Variants in CELF1 observed in about 807,000 individuals in gnomAD.
CELF1 encodes the protein 50 kDa nuclear polyadenylated RNA-binding protein.
A neutral mutation model predicts 61.8 loss-of-function variants in CELF1; 10 were observed. The ratio of observed to expected loss-of-function variants is 0.16; its 90% CI spans 0.10 to 0.27. The LOEUF (loss-of-function observed/expected upper bound fraction) is 0.27. Ranked by LOEUF, CELF1 falls within the 10% of genes least tolerant of loss-of-function variation. CELF1 has a pLI of 1.00. For synonymous variants in CELF1, 236 were observed against 225.1 expected (o/e 1.05, Z -0.43); for missense variants, 380 against 639.1 (o/e 0.59, Z 4.37).
At chr11:47,511,315 C>A (rs2095141951) in intron 1 of CELF1, among the ~76,000 whole-genome samples, 1 of 152,184 alleles carries the variant, frequency 6.6e-6, no homozygotes, top group South Asian at 2.1e-4. Context: ...GAGGGAGAGG[C>A]AGGCCCCAAC....
chr11:47,482,100 A>T (rs1596325550), intron 9 of CELF1, among the ~76,000 whole-genome samples: 3 of 152,186 alleles, frequency 2.0e-5, no homozygotes, highest in Admixed American at 2.0e-4. Context: ...CTACTTGGGA[A>T]GTTGAGGCAG....
At chr11:47,489,929 C>CGTT (rs1428902911) in intron 3 of CELF1, among the ~76,000 whole-genome samples, 1 of 35,354 alleles carries the variant, frequency 2.8e-5, no homozygotes, top group Admixed American at 2.6e-4. Flanking sequence ...CAGAACATAC[C>CGTT]ATCTTGTTTT....
chr11:47,508,566 C>A (rs188158228), intron 1 of CELF1, among the ~76,000 whole-genome samples: 4 of 8,074 alleles, frequency 5.0e-4, no homozygotes, highest in South Asian at 4.5e-3. Context: ...AAATGAATTT[C>A]TTTAAAAAAA....
At chr11:47,559,069 A>ATATT (rs1238449081) in intron 2 of CELF1, among the ~76,000 whole-genome samples, 1 of 138,000 alleles carries the variant, frequency 7.2e-6, no homozygotes, top group African/African-American at 2.8e-5. Context: ...TATATATAAT[A>ATATT]ATATAATATA....
chr11:47,519,656 G>C (rs894343720), intron 1 of CELF1, among the ~76,000 whole-genome samples: 1 of 152,014 alleles, frequency 6.6e-6, no homozygotes, highest in African/African-American at 2.4e-5. Context: ...TGGATCACAA[G>C]GTCAGGAGAT....
chr11:47,558,585 ATATT>A (rs1409799825), intron 2 of CELF1, among the ~76,000 whole-genome samples: 10 of 101,680 alleles, frequency 9.8e-5, no homozygotes, highest in Non-Finnish European at 1.5e-4. Flanking sequence ...ATATATATAT[ATATT>A]TATATTATAT....
At chr11:47,549,811 GT>G (rs1157763467) in intron 1 of CELF1, among the ~76,000 whole-genome samples, 135 of 133,292 alleles carry the variant, frequency 1.0e-3, no homozygotes, top group Middle Eastern at 4.2e-3. Context: ...AATGTTGTGG[GT>G]TTTTTTTGTT....
chr11:47,486,988 G>A (rs752946950), intron 5 of CELF1, among the ~76,000 whole-genome samples, 171 bp downstream of exon 5: 9 of 152,180 alleles, frequency 5.9e-5, no homozygotes, highest in Admixed American at 3.9e-4. Context: ...GACTGAGAGA[G>A]AACTAATGTC....
chr11:47,513,749 C>T (rs2095383449), intron 1 of CELF1: 2 of 151,808 alleles, frequency 1.3e-5, no homozygotes, highest in Non-Finnish European at 2.9e-5. Flanking sequence ...GCCACTGCGC[C>T]CGGCCACCCT....
At chr11:47,474,356 T>C (rs537499187) in intron 13 of CELF1, among the ~76,000 whole-genome samples, 1 of 152,346 alleles carries the variant, frequency 6.6e-6, no homozygotes, top group African/African-American at 2.4e-5. Flanking sequence ...CTTCTTTCTC[T>C]AGATTCAGGC....
At chr11:47,502,983 G>C (rs1046837572) in intron 1 of CELF1, among the ~76,000 whole-genome samples, 4 of 152,140 alleles carry the variant, frequency 2.6e-5, no homozygotes, top group African/African-American at 9.7e-5. Context: ...CTTTCACTCT[G>C]AATGTACTTT....
At chr11:47,550,170 T>A (rs1478331492) in intron 1 of CELF1, among the ~76,000 whole-genome samples, 3 of 152,034 alleles carry the variant, frequency 2.0e-5, no homozygotes, top group Non-Finnish European at 4.4e-5. Flanking sequence ...GTGGCTCACA[T>A]CTGTAATCCG....
intron 1 of CELF1, among the ~76,000 whole-genome samples, chr11:47,509,369 C>G (rs1017509165): frequency 3.3e-5 from 5 of 152,082 alleles, no homozygotes; most frequent in African/African-American, 9.7e-5. Context: ...AGGAAGTACA[C>G]AGGTGGTTCT....
chr11:47,548,865 CAAA>C (rs35634201), intron 1 of CELF1, among the ~76,000 whole-genome samples: 1 of 83,622 alleles, frequency 1.2e-5, no homozygotes, highest in Non-Finnish European at 2.3e-5. Context: ...GACTCCATCT[CAAA>C]AAAAAAAAAA....
intron 10 of CELF1, 98 bp from the exon 11 acceptor site, chr11:47,477,523 C>T (rs1301738058): frequency 7.9e-7 from 1 of 1,259,588 alleles, no homozygotes; most frequent in Non-Finnish European, 1.1e-6. Flanking sequence ...TGGTCCCTGA[C>T]AAAGAGGAAC....
intron 1 of CELF1, among the ~76,000 whole-genome samples, chr11:47,535,703 T>C (rs1251582713): frequency 6.7e-6 from 1 of 149,620 alleles, no homozygotes; most frequent in Non-Finnish European, 1.5e-5. Flanking sequence ...AAATAAATCA[T>C]GTCTTGTTTT....
intron 1 of CELF1, among the ~76,000 whole-genome samples, chr11:47,542,472 C>G (rs1176016920): frequency 2.6e-5 from 4 of 151,926 alleles, no homozygotes; most frequent in South Asian, 2.1e-4. Context: ...CTAAAAAAAC[C>G]TCATCATTCT....
At chr11:47,526,251 C>T (rs923158528) in intron 1 of CELF1, among the ~76,000 whole-genome samples, 12 of 152,106 alleles carry the variant, frequency 7.9e-5, no homozygotes, top group African/African-American at 2.4e-4. Context: ...ACCTGGGAAG[C>T]GGAGGTTGCC....
intron 1 of CELF1, among the ~76,000 whole-genome samples, chr11:47,521,472 C>T (rs2095880811): frequency 6.6e-6 from 1 of 152,166 alleles, no homozygotes; most frequent in East Asian, 1.9e-4. Flanking sequence ...TAGAGTCATA[C>T]CACTGCTTTC....
Sources: gnomAD v4.1 joint callset for allele counts (sites outside exome capture counted in the v4.1 genomes callset) on GRCh38, gnomAD v4.1.1 for gene constraint, MANE v1.5 for transcripts, NCBI Gene and HGNC (gene_info 2026-07-23, HGNC 2026-07-21) for gene names.